Variants in MYO16 observed in about 807,000 individuals in gnomAD.
MYO16 encodes myosin XVI.
MYO16 carries 94 observed loss-of-function variants against 205.3 expected under a neutral mutation model. The ratio of observed to expected loss-of-function variants is 0.46; its 90% CI spans 0.39 to 0.54. The LOEUF is 0.54. Ranked by LOEUF, MYO16 falls within the 20% of genes least tolerant of loss-of-function variation. The probability of loss-of-function intolerance (pLI) is 0.00; values close to 1 mark genes in which losing one functional copy is unlikely to be tolerated. For synonymous variants in MYO16, 988 were observed against 954.0 expected (o/e 1.04, Z -0.66); for missense variants, 2,315 against 2,387.5 (o/e 0.97, Z 0.63).
the MYO16 span, among the ~76,000 whole-genome samples, chr13:108,549,755 A>G: frequency 6.6e-6 from 1 of 152,190 alleles, no homozygotes; most frequent in African/African-American, 2.4e-5. Flanking sequence ...AATAATATAA[A>G]TAATGAGAAA....
intron 27 of MYO16, among the ~76,000 whole-genome samples, chr13:109,087,481 A>T (rs990052006): frequency 1.3e-5 from 2 of 152,188 alleles, no homozygotes; most frequent in African/African-American, 2.4e-5. Flanking sequence ...CCCTGTCTCT[A>T]CTAAAAATAC....
intron 4 of MYO16, among the ~76,000 whole-genome samples, chr13:108,758,606 A>T: frequency 6.6e-6 from 1 of 152,182 alleles, no homozygotes; most frequent in African/African-American, 2.4e-5. Context: ...TTATCTTTTG[A>T]CTCCATTAGA....
intron 10 of MYO16, among the ~76,000 whole-genome samples, chr13:108,854,784 G>T (rs991156267): frequency 6.6e-6 from 1 of 152,102 alleles, no homozygotes; most frequent in Non-Finnish European, 1.5e-5. Flanking sequence ...TTTAATTGAA[G>T]AATCCAAATT....
intron 2 of MYO16, among the ~76,000 whole-genome samples, chr13:108,709,112 G>T (rs1594229336): frequency 6.6e-6 from 1 of 151,690 alleles, no homozygotes; most frequent in Middle Eastern, 3.2e-3. Context: ...GGAAGCCTGC[G>T]CTTCGTTATT....
intron 4 of MYO16, among the ~76,000 whole-genome samples, chr13:108,737,718 C>T (rs1207417638): frequency 6.6e-6 from 1 of 152,158 alleles, no homozygotes; most frequent in African/African-American, 2.4e-5. Flanking sequence ...ATGGTACCAG[C>T]TCCTCCTTGT....
At chr13:108,878,774 T>G (rs960849977) in intron 12 of MYO16, among the ~76,000 whole-genome samples, 9 of 152,230 alleles carry the variant, frequency 5.9e-5, no homozygotes, top group Non-Finnish European at 1.2e-4. Flanking sequence ...CAGGCTCCTG[T>G]ACCTGCCCAT....
intron 31 of MYO16, among the ~76,000 whole-genome samples, chr13:109,137,210 A>G (rs1317234090): frequency 6.6e-6 from 1 of 152,164 alleles, no homozygotes; most frequent in Non-Finnish European, 1.5e-5. Flanking sequence ...AGTCAGGGCT[A>G]CCTAGACATG....
chr13:108,739,664 T>C (rs1360294658), intron 4 of MYO16, among the ~76,000 whole-genome samples: 1 of 152,206 alleles, frequency 6.6e-6, no homozygotes, highest in Non-Finnish European at 1.5e-5. Context: ...CTGTATTTCC[T>C]GAATTTGAAT....
intron 4 of MYO16, among the ~76,000 whole-genome samples, chr13:108,743,209 C>T (rs1445307540): frequency 6.6e-6 from 1 of 152,046 alleles, no homozygotes; most frequent in Admixed American, 6.6e-5. Flanking sequence ...AAAATGGTCA[C>T]CAATGTTACT....
intron 4 of MYO16, among the ~76,000 whole-genome samples, chr13:108,775,801 C>T (rs184275585): frequency 1.3e-5 from 2 of 152,130 alleles, no homozygotes; most frequent in Non-Finnish European, 2.9e-5. Flanking sequence ...AAGTAAGGAA[C>T]CTGAAATGCA....
chr13:109,200,047 A>C (rs554329192), intron 34 of MYO16, among the ~76,000 whole-genome samples: 14 of 152,332 alleles, frequency 9.2e-5, no homozygotes, highest in Non-Finnish European at 1.2e-4. Flanking sequence ...TTCAGAATCT[A>C]ATAAATAGAT....
intron 3 of MYO16, among the ~76,000 whole-genome samples, 181 bp downstream of exon 3, chr13:108,712,912 A>G (rs925592803): frequency 6.6e-6 from 1 of 152,244 alleles, no homozygotes; most frequent in Non-Finnish European, 1.5e-5. Flanking sequence ...TGAAGTTTGT[A>G]AATAATCTAG....
chr13:108,601,116 G>A (rs1480873775), intron 1 of MYO16, among the ~76,000 whole-genome samples: 1 of 152,110 alleles, frequency 6.6e-6, no homozygotes, highest in Non-Finnish European at 1.5e-5. Context: ...GGTAGACAGA[G>A]ATCACTGTGG....
At chr13:109,098,199 A>G (rs1888840001) in intron 27 of MYO16, among the ~76,000 whole-genome samples, 1 of 152,210 alleles carries the variant, frequency 6.6e-6, no homozygotes, top group Admixed American at 6.5e-5. Flanking sequence ...AGGTTAGTGC[A>G]AAAGTAATTG....
chr13:108,870,370 AT>A (rs1457623102), intron 12 of MYO16, among the ~76,000 whole-genome samples: 2 of 152,056 alleles, frequency 1.3e-5, no homozygotes, highest in African/African-American at 2.4e-5. Flanking sequence ...TATTAAAAAA[AT>A]CTTCTATGTC....
intron 10 of MYO16, among the ~76,000 whole-genome samples, chr13:108,848,761 G>A (rs1477240525): frequency 6.6e-6 from 1 of 152,230 alleles, no homozygotes; most frequent in East Asian, 1.9e-4. Flanking sequence ...GCTGCGGTGA[G>A]CTAGGACGTC....
rs1312521888 is a variant in MYO16, at chr13:109,018,110, C to T, written c.2596-1601C>T. On this transcript the variant is annotated intron_variant, in intron 22 of 34. Coordinates refer to ENST00000457511, the MANE Select transcript of MYO16 (RefSeq NM_001198950.3). ...CTCCCCATCTTTGTGGTTTTATCTA[C>T]CTTTGGTCTTTGATGATGGTGACCT... Among the ~76,000 whole-genome samples, 4 of 152,172 alleles carry T rather than the reference C, an allele frequency of 2.6e-5. No homozygotes were observed. The East Asian group carries it at 7.7e-4, about 29-fold the overall frequency.
At chr13:108,991,185 C>T (rs569695609) in intron 20 of MYO16, among the ~76,000 whole-genome samples, 67 of 152,224 alleles carry the variant, frequency 4.4e-4, no homozygotes, top group African/African-American at 1.6e-3. Flanking sequence ...TTCATGCCGA[C>T]GTCCCCATGC....
intron 32 of MYO16, among the ~76,000 whole-genome samples, chr13:109,152,687 T>C (rs1441242726): frequency 6.6e-6 from 1 of 152,190 alleles, no homozygotes; most frequent in African/African-American, 2.4e-5. Flanking sequence ...CCCTCTGCAA[T>C]AGCTTTAGAA....
Sources: gnomAD v4.1 joint callset for allele counts (sites outside exome capture counted in the v4.1 genomes callset) on GRCh38, gnomAD v4.1.1 for gene constraint, MANE v1.5 for transcripts, NCBI Gene and HGNC (gene_info 2026-07-23, HGNC 2026-07-21) for gene names.